RPS7: variants seen among roughly 807,000 people sequenced by gnomAD.
RPS7 encodes small ribosomal subunit protein eS7.
Under a neutral mutation model 22.1 loss-of-function variants are expected in RPS7, and 1 was observed. The ratio of observed to expected loss-of-function variants is 0.05; its 90% CI spans 0.02 to 0.21. RPS7 has a LOEUF of 0.21. Among genes scored for constraint, RPS7 ranks in the 10% least tolerant of loss-of-function variants. The probability of loss-of-function intolerance (pLI) is 1.00; values close to 1 mark genes in which losing one functional copy is unlikely to be tolerated. For missense variants in RPS7, 137 were observed against 246.4 expected (o/e 0.56, Z 2.97); for synonymous variants, 80 against 92.0 (o/e 0.87, Z 0.74).
chr2:3,579,815 C>T (rs1008404156), intron 5 of RPS7: 7 of 505,312 alleles, frequency 1.4e-5, no homozygotes, highest in East Asian at 3.6e-5. Context: ...GTCCTCTAAT[C>T]TCACATTCCC....
At position 3,580,792 on chromosome 2, in the gene RPS7, TC is replaced by T. The variant is rs1418780245; in HGVS notation, c.508-12del. The stretch of plus-strand genomic sequence containing the variant: ...TTTCAAAGTTCTGTGATGAATTCTT[TC>T]TTTTCTTGTAGGTTGAAACTTTTTC... On this transcript the variant is annotated splice_polypyrimidine_tract_variant and intron_variant, in intron 6 of 6. Transcript: ENST00000645674. 6.5e-7 allele frequency: 1 copy of T among 1,534,962 alleles called. No individual in the cohort carries two copies. Among genetic ancestry groups the T allele is most frequent in the African/African-American group, 1.4e-5 (1 of 73,306 alleles).
chr2:3,578,577 T>C (rs945370811), intron 5 of RPS7: 2 of 151,956 alleles, frequency 1.3e-5, no homozygotes, highest in African/African-American at 4.8e-5. Context: ...GTGTTGGGAG[T>C]CTGGTAATGT....
intron 4 of RPS7, chr2:3,576,876 G>A (rs1661292106): frequency 1.8e-6 from 1 of 547,952 alleles, no homozygotes; most frequent in Non-Finnish European, 3.3e-6. Flanking sequence ...ACAAAAAATA[G>A]AAAAAATAAG....
chr2:3,575,851 A>G lies in RPS7; in HGVS notation c.110A>G (p.Lys37Arg). 1.2e-6 allele frequency: 2 copies of G among 1,611,984 alleles called. No homozygotes were observed. The highest frequency in any genetic ancestry group is 1.1e-5 in the South Asian group (1 of 90,938). Residue 37 changes from lysine to arginine, a missense_variant, in exon 3 of 7, where the codon AAG becomes AGG. By Grantham distance (26) the Lys-to-Arg change is conservative (BLOSUM62 2). Coordinates refer to ENST00000645674, the MANE Select transcript of RPS7 (RefSeq NM_001011.4). Reference protein sequence around the residue: ...LLELEMNSDLKAQLRELNITA... With the variant: ...LLELEMNSDLRAQLRELNITA... ...GAGCTGGAGATGAACTCGGACCTCA[A>G]GGCTCAGCTCAGGGAGCTGAATATT... is the stretch of plus-strand genomic sequence containing the variant.
Position 3,580,185 on chromosome 2 carries a change from C to T in RPS7, c.432C>T (p.Ile144=). 1.2e-6 allele frequency: 2 copies of T among 1,613,372 alleles called. No homozygotes were observed. Among genetic ancestry groups the T allele is most frequent in the Non-Finnish European group, 1.7e-6 (2 of 1,179,646 alleles). ...VFPSEIVGKR[I]RVKLDGSRLI... ...CAAGCGAAATTGTGGGCAAGAGAAT[C>T]CGCGTCAAACTAGATGGCAGCCGGC... is the stretch of plus-strand genomic sequence containing the variant. Residue 144 remains isoleucine, a synonymous_variant, in exon 6 of 7, where the codon ATC becomes ATT. Transcript: ENST00000645674.
rs1299769788 is a variant in RPS7 at position 3,575,496 on chromosome 2, C to CG, written c.-18-92dup. ...GCCCTGTGCTTTCCGATGGCTTCTGCGGGGCGAGCGGGGCCTGGCCGGGGG... is the reference window on the plus strand; with the variant it reads ...GCCCTGTGCTTTCCGATGGCTTCTGCGGGGGCGAGCGGGGCCTGGCCGGGGG... On this transcript the variant is annotated intron_variant, in intron 1 of 6. Coordinates refer to ENST00000645674, the MANE Select transcript of RPS7 (RefSeq NM_001011.4). 3.9e-6 allele frequency: 3 copies of CG among 768,818 alleles called. No homozygotes were observed. In the African/African-American group the frequency reaches 5.3e-5, roughly 14 times the overall value. The allele number at this position is 768,818 out of a possible 1,614,324, so 47.6% of individuals were successfully genotyped here.
At chr2:3,579,505 G>C (rs562896511) in intron 5 of RPS7, 1 of 163,880 alleles carries the variant, frequency 6.1e-6, no homozygotes, top group East Asian at 1.8e-4. Flanking sequence ...ACCGTCTCTT[G>C]ACTTACTCCT....
At chr2:3,579,801 A>G (rs1661359482) in intron 5 of RPS7, 1 of 471,020 alleles carries the variant, frequency 2.1e-6, no homozygotes, top group Non-Finnish European at 3.9e-6. Context: ...AAAGATGTAT[A>G]AAAGTCCTCT....
At chr2:3,576,075 C>A in intron 3 of RPS7, 187 bp downstream of exon 3, 1 of 650,400 alleles carries the variant, frequency 1.5e-6, no homozygotes, top group South Asian at 1.8e-5. Flanking sequence ...TGCAGGTACC[C>A]TGCGGCTTAA....
intron 4 of RPS7, chr2:3,577,351 C>G (rs1572358946): frequency 4.3e-6 from 1 of 230,292 alleles, no homozygotes; most frequent in East Asian, 1.1e-4. Flanking sequence ...AAGAAGAAAC[C>G]TGTTACAGTT....
intron 3 of RPS7, chr2:3,576,123 G>A (rs1661273168): frequency 1.6e-6 from 1 of 609,256 alleles, no homozygotes. Context: ...CGTGGAGTAG[G>A]GAGGGCCTGG....
In RPS7 at chr2:3,576,267, C is replaced by T. The variant is rs1245023111; in HGVS notation, c.148-220C>T. 1.5e-5 allele frequency: 9 copies of T among 619,500 alleles called. 1 individual carries two copies. Among genetic ancestry groups the T allele is most frequent in the South Asian group, 5.8e-5 (3 of 51,634 alleles). The allele number at this position is 619,500 out of a possible 1,614,324, so 38.4% of individuals were successfully genotyped here. ...GGGGTGCAGAAGTGGTAGTGATTGGCCTCCTGGCCTGAACAGTCTCCCTTC... is the reference window on the plus strand; with the variant it reads ...GGGGTGCAGAAGTGGTAGTGATTGGTCTCCTGGCCTGAACAGTCTCCCTTC... On this transcript the variant is annotated intron_variant, in intron 3 of 6. Coordinates refer to ENST00000645674, the MANE Select transcript of RPS7 (RefSeq NM_001011.4).
intron 5 of RPS7, chr2:3,579,827 A>G: frequency 1.9e-6 from 1 of 534,998 alleles, no homozygotes; most frequent in Non-Finnish European, 3.4e-6. Flanking sequence ...CACATTCCCT[A>G]GAGATGGTCA....
Position 3,580,098 on chromosome 2 carries a change from C to G in RPS7, c.357-12C>G. The G allele has an allele frequency of 6.2e-7, 1 of 1,613,574 alleles. No individual in the cohort carries two copies. On this transcript the variant is annotated splice_polypyrimidine_tract_variant and intron_variant, in intron 5 of 6. Coordinates refer to ENST00000645674, the MANE Select transcript of RPS7 (RefSeq NM_001011.4). ...GTTGCTAGGTTGCTTACCTTTTAAA[C>G]TATTCTTTTAGCCGTACTCTGACAG...
At chr2:3,576,022 G>A (rs1661270098) in intron 3 of RPS7, 134 bp downstream of exon 3, 1 of 745,950 alleles carries the variant, frequency 1.3e-6, no homozygotes, top group Non-Finnish European at 2.4e-6. Context: ...AGGTTCGGCC[G>A]TGTTGTTTGG....
intron 5 of RPS7, chr2:3,579,201 A>T (rs1661347863): frequency 1.3e-5 from 2 of 152,200 alleles, no homozygotes; most frequent in Admixed American, 1.3e-4. Flanking sequence ...TATTGTAAGA[A>T]TATGCTTAAT....
chr2:3,580,560 G>T, intron 6 of RPS7: 1 of 622,806 alleles, frequency 1.6e-6, no homozygotes, highest in South Asian at 1.9e-5. Context: ...AGTGTCTTGG[G>T]GGGACATAAC....
chr2:3,575,604 A>G lies in RPS7; in HGVS notation c.-6A>G. 1 of 1,610,254 alleles carries G rather than the reference A, an allele frequency of 6.2e-7. No homozygotes were observed. ...GCTGTGCCTTCAGTTCTCCCAGGAG[A>G]AAGCCATGTTCAGTTCGAGCGCCAA... On this transcript the variant is annotated 5_prime_UTR_variant, in exon 2 of 7. Coordinates refer to ENST00000645674, the MANE Select transcript of RPS7 (RefSeq NM_001011.4).
rs1661382759 is a variant in RPS7, at chr2:3,580,565, C to A, written c.508-240C>A. ...TGATGGGATCAGTGTCTTGGGGGGA[C>A]ATAACCATGTGGGTGACTGCTGGGG... On this transcript the variant is annotated intron_variant, in intron 6 of 6. Transcript: ENST00000645674. 4.8e-6 allele frequency: 3 copies of A among 621,786 alleles called. No individual in the cohort carries two copies. The Admixed American group carries it at 8.3e-5, about 17-fold the overall frequency. The allele number at this position is 621,786 out of a possible 1,614,324, so 38.5% of individuals were successfully genotyped here. A position where few individuals can be genotyped will look rare whatever the true frequency, so the allele number is the denominator to read the frequency against.
Sources: gnomAD v4.1 joint callset for allele counts on GRCh38, gnomAD v4.1.1 for gene constraint, MANE v1.5 for transcripts, NCBI Gene and HGNC (gene_info 2026-07-23, HGNC 2026-07-21) for gene names.